The following THRB variants were observed in gnomAD, a reference collection of about 807,000 sequenced individuals.
THRB encodes nuclear receptor subfamily 1 group A member 2.
A neutral mutation model predicts 47.8 loss-of-function variants in THRB; 12 were observed. The ratio of observed to expected loss-of-function variants is 0.25; its 90% CI spans 0.16 to 0.41. THRB has a LOEUF of 0.41. Ranked by LOEUF, THRB falls within the 10% of genes least tolerant of loss-of-function variation. THRB has a pLI of 1.00. For missense variants in THRB, 348 were observed against 589.2 expected (o/e 0.59, Z 4.24); for synonymous variants, 218 against 212.2 (o/e 1.03, Z -0.24).
At chr3:24,249,804 G>T (rs1198737900) in intron 3 of THRB, among the ~76,000 whole-genome samples, 1 of 152,096 alleles carries the variant, frequency 6.6e-6, no homozygotes, top group Non-Finnish European at 1.5e-5. Flanking sequence ...TAATTACCCT[G>T]GTCTGCAACA....
At chr3:24,386,818 G>C (rs1365405703) in intron 1 of THRB, among the ~76,000 whole-genome samples, 2 of 152,112 alleles carry the variant, frequency 1.3e-5, no homozygotes, top group Admixed American at 6.6e-5. Context: ...TGAACAGAAA[G>C]CCTCAGTTTC....
intron 1 of THRB, among the ~76,000 whole-genome samples, chr3:24,469,274 T>C (rs1298720884): frequency 1.3e-5 from 2 of 152,226 alleles, no homozygotes; most frequent in Admixed American, 6.5e-5. Context: ...TCTGGGCTCA[T>C]AGCACAATTT....
chr3:24,178,303 A>G (rs1050421098), intron 5 of THRB, among the ~76,000 whole-genome samples: 1 of 152,172 alleles, frequency 6.6e-6, no homozygotes, highest in Non-Finnish European at 1.5e-5. Context: ...ATTTTTTAGT[A>G]TCTCTGTCCA....
chr3:24,381,944 T>C (rs116024491), intron 1 of THRB, among the ~76,000 whole-genome samples: 287 of 151,202 alleles, frequency 1.9e-3, no homozygotes, highest in Non-Finnish European at 2.8e-3. Flanking sequence ...ATAAATGACA[T>C]AGCAACTATG....
chr3:24,362,900 G>C (rs186697508), intron 1 of THRB, among the ~76,000 whole-genome samples: 1 of 152,062 alleles, frequency 6.6e-6, no homozygotes, highest in Non-Finnish European at 1.5e-5. Flanking sequence ...TTAACACTTC[G>C]GGCCTTACTT....
At chr3:24,314,234 G>A (rs902695938) in intron 2 of THRB, among the ~76,000 whole-genome samples, 1 of 152,152 alleles carries the variant, frequency 6.6e-6, no homozygotes, top group African/African-American at 2.4e-5. Context: ...CCAGGTCCTG[G>A]TGAATCTAAA....
At chr3:24,135,847 A>ATATATATATATATATATATG (rs371175625) in intron 8 of THRB, among the ~76,000 whole-genome samples, 1 of 131,004 alleles carries the variant, frequency 7.6e-6, no homozygotes, top group Non-Finnish European at 1.6e-5. Flanking sequence ...ATATATATAT[A>ATATATATATATATATATATG]ATACATAAAT....
At chr3:24,239,566 G>A (rs976363401) in intron 3 of THRB, among the ~76,000 whole-genome samples, 2 of 151,884 alleles carry the variant, frequency 1.3e-5, no homozygotes, top group African/African-American at 4.8e-5. Flanking sequence ...CTCCTGTCTT[G>A]GCCTCTATCA....
chr3:24,464,010 G>T lies in THRB; in HGVS notation c.-261+30642C>A, dbSNP rs921906928. ...GCCTGTAATCCCAGCACTTTGGGAG[G>T]CCGAGGTGGGCGGATCACGAGGTCA... On this transcript the variant is annotated intron_variant, in intron 1 of 10. Transcript: ENST00000646209. Among the ~76,000 whole-genome samples, 3 of 152,210 alleles carry T rather than the reference G, an allele frequency of 2.0e-5. No individual in the cohort carries two copies. In the South Asian group the frequency reaches 6.2e-4, roughly 31 times the overall value.
At chr3:24,152,322 TCTGGAAGAGGA>T in intron 6 of THRB, 57 bp downstream of exon 6, 1 of 834,136 alleles carries the variant, frequency 1.2e-6, no homozygotes, top group South Asian at 1.4e-5. Context: ...AACATTGCAT[TCTGGAAGAGGA>T]CTGGGAGGGG....
At chr3:24,208,046 C>A (rs1268080853) in intron 4 of THRB, among the ~76,000 whole-genome samples, 1 of 152,042 alleles carries the variant, frequency 6.6e-6, no homozygotes, top group East Asian at 1.9e-4. Flanking sequence ...TTCCTATACA[C>A]CAATAACAGA....
At chr3:24,212,961 C>G (rs2149882464) in intron 4 of THRB, among the ~76,000 whole-genome samples, 1 of 152,318 alleles carries the variant, frequency 6.6e-6, no homozygotes, top group Middle Eastern at 3.4e-3. Context: ...CGTTCTAAAC[C>G]AGTGTGCCCC....
At chr3:24,487,732 G>A (rs541870562) in intron 1 of THRB, among the ~76,000 whole-genome samples, 8 of 152,274 alleles carry the variant, frequency 5.3e-5, no homozygotes, top group Admixed American at 3.3e-4. Context: ...CACTGTATGT[G>A]AGAACATGAC....
intron 4 of THRB, among the ~76,000 whole-genome samples, chr3:24,210,052 A>C (rs2045859691): frequency 6.6e-6 from 1 of 152,284 alleles, no homozygotes; most frequent in East Asian, 1.9e-4. Flanking sequence ...CTCCAACCTA[A>C]ATGTGGCATG....
At chr3:24,192,626 C>A (rs2043484260) in intron 4 of THRB, among the ~76,000 whole-genome samples, 1 of 152,138 alleles carries the variant, frequency 6.6e-6, no homozygotes, top group Non-Finnish European at 1.5e-5. Context: ...AACAGGGGCT[C>A]CACTCCAAGA....
chr3:24,397,631 C>T (rs1191150024), intron 1 of THRB, among the ~76,000 whole-genome samples: 2 of 139,070 alleles, frequency 1.4e-5, no homozygotes, highest in African/African-American at 5.4e-5. Flanking sequence ...GATAGAGTGT[C>T]ACACTGTCGC....
chr3:24,240,715 A>G (rs2049399080), intron 3 of THRB, among the ~76,000 whole-genome samples: 1 of 152,180 alleles, frequency 6.6e-6, no homozygotes, highest in Non-Finnish European at 1.5e-5. Flanking sequence ...GGTTTGTTAA[A>G]ACCAATTGCT....
At chr3:24,210,996 C>T (rs1314669534) in intron 4 of THRB, among the ~76,000 whole-genome samples, 1 of 151,848 alleles carries the variant, frequency 6.6e-6, no homozygotes, top group African/African-American at 2.4e-5. Context: ...GTCAGGAGTT[C>T]GAGACCAGCC....
At chr3:24,271,675 C>T (rs1477070547) in intron 3 of THRB, among the ~76,000 whole-genome samples, 3 of 152,126 alleles carry the variant, frequency 2.0e-5, no homozygotes, top group Admixed American at 2.0e-4. Context: ...AGCTTAAAAG[C>T]TTGTCCTGGC....
Sources: allele counts gnomAD v4.1 joint callset (sites outside exome capture counted in the v4.1 genomes callset), GRCh38; gene constraint gnomAD v4.1.1; transcripts MANE v1.5; gene names NCBI Gene and HGNC (gene_info 2026-07-23, HGNC 2026-07-21).